Variants in GALNT17 observed in about 807,000 individuals in gnomAD.
GALNT17 encodes UDP-GalNAc:polypeptide N-acetylgalactosaminyltransferase-like 3.
Under a neutral mutation model 63.7 loss-of-function variants are expected in GALNT17, and 29 were observed. That is an observed-to-expected ratio of 0.46 (90% CI 0.34 to 0.62). The LOEUF is 0.62. Ranked by LOEUF, GALNT17 falls within the 20% of genes least tolerant of loss-of-function variation. The pLI, the probability that GALNT17 is intolerant of heterozygous loss-of-function variation, is 0.01. For synonymous variants in GALNT17, 305 were observed against 318.3 expected, an observed-to-expected ratio of 0.96 and a Z score of 0.45; for missense variants, 603 against 799.6, an observed-to-expected ratio of 0.75 and a Z score of 2.97.
intron 9 of GALNT17, among the ~76,000 whole-genome samples, chr7:71,704,488 C>CTTT (rs34146294): frequency 0.02 from 2,765 of 141,382 alleles, 106 homozygotes; most frequent in African/African-American, 0.066. Context: ...TGCCAACTGC[C>CTTT]TTTTTTTTTT....
chr7:71,377,213 G>A (rs528909703), intron 2 of GALNT17, among the ~76,000 whole-genome samples: 1 of 146,884 alleles, frequency 6.8e-6, no homozygotes, highest in Non-Finnish European at 1.5e-5. Flanking sequence ...CTTGAAACTG[G>A]CATATCAGGC....
intron 6 of GALNT17, among the ~76,000 whole-genome samples, chr7:71,661,072 G>A (rs545084119): frequency 6.6e-6 from 1 of 152,262 alleles, no homozygotes; most frequent in South Asian, 2.1e-4. Context: ...TATATGCCCA[G>A]CTCTGTCCTC....
At chr7:71,138,486 C>T (rs963641076) in intron 1 of GALNT17, among the ~76,000 whole-genome samples, 8 of 152,038 alleles carry the variant, frequency 5.3e-5, no homozygotes, top group African/African-American at 7.2e-5. Flanking sequence ...AGAAAAAAAT[C>T]TATGTACAGG....
chr7:71,449,933 C>T (rs907810112), intron 5 of GALNT17, among the ~76,000 whole-genome samples: 4 of 150,604 alleles, frequency 2.7e-5, no homozygotes, highest in Non-Finnish European at 4.4e-5. Flanking sequence ...CCCAGCTACT[C>T]GGGAGGCTGA....
At chr7:71,616,372 A>G (rs1225236557) in intron 6 of GALNT17, among the ~76,000 whole-genome samples, 5 of 151,570 alleles carry the variant, frequency 3.3e-5, no homozygotes, top group Admixed American at 3.3e-4. Context: ...TTTTTACCAT[A>G]TGAACTGGCC....
At chr7:71,171,003 A>AT (rs1393198934) in intron 1 of GALNT17, among the ~76,000 whole-genome samples, 1 of 151,632 alleles carries the variant, frequency 6.6e-6, no homozygotes, top group African/African-American at 2.4e-5. Context: ...CTCTCTGGGA[A>AT]TTTTTTTTTC....
At chr7:71,606,250 C>T (rs1790046723) in intron 6 of GALNT17, among the ~76,000 whole-genome samples, 1 of 152,010 alleles carries the variant, frequency 6.6e-6, no homozygotes, top group African/African-American at 2.4e-5. Flanking sequence ...CCACTGCGCC[C>T]AACCACTTAC....
intron 1 of GALNT17, among the ~76,000 whole-genome samples, chr7:71,161,369 GAGGT>G (rs2116251079): frequency 6.6e-6 from 1 of 152,226 alleles, no homozygotes; most frequent in Non-Finnish European, 1.5e-5. Flanking sequence ...TGTAAAATTT[GAGGT>G]CCTGTTTATC....
intron 9 of GALNT17, among the ~76,000 whole-genome samples, chr7:71,701,803 G>GTGTATA (rs748188265): frequency 2.4e-3 from 73 of 30,736 alleles, no homozygotes; most frequent in Middle Eastern, 0.02. Context: ...GTGTGTGTGT[G>GTGTATA]TATATATATA....
chr7:71,543,338 C>A (rs1435132572), intron 5 of GALNT17, among the ~76,000 whole-genome samples: 1 of 152,124 alleles, frequency 6.6e-6, no homozygotes, highest in Non-Finnish European at 1.5e-5. Context: ...AAAAGGACAG[C>A]TTTTTATTGC....
chr7:71,341,316 C>A (rs987135255), intron 2 of GALNT17, among the ~76,000 whole-genome samples: 2 of 152,034 alleles, frequency 1.3e-5, no homozygotes, highest in Non-Finnish European at 2.9e-5. Flanking sequence ...TTAGATCAGT[C>A]CAGTAGGTTC....
intron 5 of GALNT17, among the ~76,000 whole-genome samples, chr7:71,559,370 T>A (rs1789215649): frequency 6.6e-6 from 1 of 152,194 alleles, no homozygotes; most frequent in Non-Finnish European, 1.5e-5. Flanking sequence ...TCTTAGCTGC[T>A]GCCAGTGTGA....
chr7:71,228,990 G>A (rs914577222), intron 1 of GALNT17, among the ~76,000 whole-genome samples: 2 of 152,130 alleles, frequency 1.3e-5, no homozygotes, highest in Admixed American at 6.5e-5. Flanking sequence ...CCTATGCCTG[G>A]ATCATCCAGG....
intron 1 of GALNT17, among the ~76,000 whole-genome samples, chr7:71,218,953 T>C (rs1789534577): frequency 6.6e-6 from 1 of 152,118 alleles, no homozygotes; most frequent in Non-Finnish European, 1.5e-5. Context: ...TGTAATGCTC[T>C]TGAATCATCC....
chr7:71,231,446 G>GA (rs1789786827), intron 1 of GALNT17, among the ~76,000 whole-genome samples: 1 of 152,152 alleles, frequency 6.6e-6, no homozygotes, highest in Admixed American at 6.5e-5. Context: ...CAAGTCCAGA[G>GA]CTTGCTATGG....
At chr7:71,453,213 C>T (rs2116556647) in intron 5 of GALNT17, among the ~76,000 whole-genome samples, 1 of 152,274 alleles carries the variant, frequency 6.6e-6, no homozygotes, top group African/African-American at 2.4e-5. Context: ...TCATTTGGAA[C>T]ATCATTCATA....
At chr7:71,334,193 C>G (rs1791857189) in intron 1 of GALNT17, among the ~76,000 whole-genome samples, 1 of 152,178 alleles carries the variant, frequency 6.6e-6, no homozygotes, top group South Asian at 2.1e-4. Context: ...CTTGGTATTA[C>G]AGAAAATAAA....
chr7:71,321,943 C>CCCTT (rs150369774), intron 1 of GALNT17, among the ~76,000 whole-genome samples: 6,332 of 47,576 alleles, frequency 0.13, 1,029 homozygotes, highest in African/African-American at 0.21. Flanking sequence ...CTCCCTCCCT[C>CCCTT]CCTTCCTTCC....
intron 6 of GALNT17, among the ~76,000 whole-genome samples, chr7:71,662,661 A>T: frequency 6.6e-6 from 1 of 152,242 alleles, no homozygotes; most frequent in East Asian, 1.9e-4. Context: ...TATTTTGCTT[A>T]GCATGCTTTC....
Sources: gnomAD v4.1 joint callset for allele counts (sites outside exome capture counted in the v4.1 genomes callset) on GRCh38, gnomAD v4.1.1 for gene constraint, MANE v1.5 for transcripts, NCBI Gene and HGNC (gene_info 2026-07-23, HGNC 2026-07-21) for gene names.